Variants in RASGRF1 observed in about 807,000 individuals in gnomAD.
RASGRF1 encodes ras-specific guanine nucleotide-releasing factor 1.
RASGRF1 carries 40 observed loss-of-function variants against 138.7 expected under a neutral mutation model. The observed-to-expected ratio is 0.29, with a 90% CI of 0.22 to 0.38. The LOEUF (loss-of-function observed/expected upper bound fraction) is 0.38. Ranked by LOEUF, RASGRF1 falls within the 10% of genes least tolerant of loss-of-function variation. The probability of loss-of-function intolerance (pLI) is 1.00; values close to 1 mark genes in which losing one functional copy is unlikely to be tolerated. For synonymous variants in RASGRF1, 614 were observed against 663.2 expected (o/e 0.93, Z 1.14); for missense variants, 1,108 against 1,650.4 (o/e 0.67, Z 5.69).
At chr15:79,022,112 T>G (rs1294435054) in intron 10 of RASGRF1, among the ~76,000 whole-genome samples, 1 of 152,158 alleles carries the variant, frequency 6.6e-6, no homozygotes, top group Non-Finnish European at 1.5e-5. Context: ...GATTTCTGAT[T>G]CCATGCTCTT....
chr15:79,070,333 A>G (rs2057738568), intron 1 of RASGRF1, among the ~76,000 whole-genome samples: 1 of 152,196 alleles, frequency 6.6e-6, no homozygotes, highest in Non-Finnish European at 1.5e-5. Context: ...GGGACAGAGC[A>G]TATAACTGGG....
intron 8 of RASGRF1, among the ~76,000 whole-genome samples, chr15:79,029,677 T>C (rs1489763679): frequency 6.6e-6 from 1 of 152,048 alleles, no homozygotes; most frequent in East Asian, 1.9e-4. Flanking sequence ...GAGCGCAGCC[T>C]AGGAGGGGTT....
intron 4 of RASGRF1, among the ~76,000 whole-genome samples, chr15:79,048,379 A>AG (rs1683961304): frequency 6.6e-6 from 1 of 152,192 alleles, no homozygotes; most frequent in African/African-American, 2.4e-5. Flanking sequence ...CCGGCAGCAT[A>AG]GCCTCTGGAG....
At chr15:79,005,069 G>C in intron 14 of RASGRF1, 2 of 985,438 alleles carry the variant, frequency 2.0e-6, no homozygotes, top group African/African-American at 1.7e-5. Flanking sequence ...GTGACTTTTA[G>C]GGGGTAAATC....
At chr15:78,985,926 G>GAAAAAAAAAAAAAAAAAAAAAAACAA (rs2056145620) in intron 22 of RASGRF1, 1 of 83,374 alleles carries the variant, frequency 1.2e-5, no homozygotes, top group Non-Finnish European at 2.1e-5. Context: ...CTCCATCTCA[G>GAAAAAAAAAAAAAAAAAAAAAAACAA]AAAAAAAAAA....
At chr15:78,990,382 TG>T in intron 21 of RASGRF1, 109 bp from the exon 22 acceptor site, 1 of 737,404 alleles carries the variant, frequency 1.4e-6, no homozygotes, top group Admixed American at 2.3e-5. Flanking sequence ...CTGTCATTTC[TG>T]GGGGAACAAC....
intron 1 of RASGRF1, among the ~76,000 whole-genome samples, chr15:79,082,725 T>C (rs935113868): frequency 6.6e-6 from 1 of 152,188 alleles, no homozygotes; most frequent in Non-Finnish European, 1.5e-5. Context: ...TCCACAGGGA[T>C]GAAGAAAGCT....
intron 15 of RASGRF1, among the ~76,000 whole-genome samples, chr15:79,002,188 A>C (rs1490374988): frequency 6.6e-6 from 1 of 151,766 alleles, no homozygotes; most frequent in East Asian, 1.9e-4. Context: ...TTTTTGGTGA[A>C]GCTTATTAGT....
At chr15:79,071,755 T>C (rs1294583248) in intron 1 of RASGRF1, among the ~76,000 whole-genome samples, 2 of 152,144 alleles carry the variant, frequency 1.3e-5, no homozygotes, top group African/African-American at 4.8e-5. Flanking sequence ...CTCCCCACTC[T>C]TCCCAGCTTC....
intron 1 of RASGRF1, among the ~76,000 whole-genome samples, chr15:79,068,615 TACAC>T (rs141408068): frequency 1.4e-4 from 21 of 149,838 alleles, no homozygotes; most frequent in Admixed American, 6.0e-4. Flanking sequence ...TGTGTATATA[TACAC>T]ACACACACAC....
intron 24 of RASGRF1, among the ~76,000 whole-genome samples, chr15:78,974,114 G>A (rs767297438): frequency 6.6e-6 from 1 of 152,150 alleles, no homozygotes; most frequent in Non-Finnish European, 1.5e-5. Context: ...CTGATTTTTG[G>A]TCCAAAGCAG....
intron 26 of RASGRF1, among the ~76,000 whole-genome samples, chr15:78,963,884 A>G (rs1442810519): frequency 6.6e-6 from 1 of 152,200 alleles, no homozygotes; most frequent in East Asian, 1.9e-4. Context: ...TTTTATACCT[A>G]GATAGTAGTG....
intron 1 of RASGRF1, among the ~76,000 whole-genome samples, chr15:79,072,422 T>C (rs572969495): frequency 5.1e-4 from 78 of 151,686 alleles, no homozygotes; most frequent in African/African-American, 1.7e-3. Flanking sequence ...ACTACAGGCG[T>C]CTGCCACCAC....
chr15:79,030,446 G>A (rs1313584827), intron 8 of RASGRF1, among the ~76,000 whole-genome samples: 1 of 152,230 alleles, frequency 6.6e-6, no homozygotes, highest in East Asian at 1.9e-4. Context: ...GGTCTCACCA[G>A]TGCTGTCGCT....
At chr15:79,048,278 G>C (rs1293226875) in intron 4 of RASGRF1, among the ~76,000 whole-genome samples, 1 of 152,178 alleles carries the variant, frequency 6.6e-6, no homozygotes, top group East Asian at 1.9e-4. Flanking sequence ...GATGTCATAA[G>C]GTGGCACCTC....
intron 26 of RASGRF1, among the ~76,000 whole-genome samples, chr15:78,968,279 T>TGTGTGTGTGTGTGTG (rs1567417630): frequency 1.1e-4 from 17 of 151,060 alleles, no homozygotes; most frequent in South Asian, 8.4e-4. Context: ...TGTGTGTGTG[T>TGTGTGTGTGTGTGTG]TTTATTTTTA....
intron 2 of RASGRF1, among the ~76,000 whole-genome samples, chr15:79,061,398 G>C (rs1025635856): frequency 9.3e-5 from 6 of 64,746 alleles, no homozygotes; most frequent in Non-Finnish European, 1.5e-4. Context: ...TAGAAAATTA[G>C]AACACTATCT....
At chr15:78,993,766 G>A (rs1003115182) in intron 20 of RASGRF1, among the ~76,000 whole-genome samples, 5 of 152,138 alleles carry the variant, frequency 3.3e-5, no homozygotes, top group Admixed American at 1.3e-4. Context: ...AGGCCCAGGC[G>A]CTGTGGGGCC....
In RASGRF1 at chr15:79,046,237, T is replaced by A. The variant is rs1034004829; in HGVS notation, c.878+509A>T. On this transcript the variant is annotated intron_variant, in intron 5 of 26. Coordinates refer to ENST00000558480, the MANE Select transcript of RASGRF1 (RefSeq NM_001145648.3). The surrounding 1 kb of genome is among the most constrained non-coding windows in gnomAD (Gnocchi z 5.3). ...CCTGGCCTCCAGGTCATTATGATGG[T>A]ATCAAGGTCAAAGAATAAGGTACTT... is the stretch of plus-strand genomic sequence containing the variant. 6.6e-6 allele frequency among the ~76,000 whole-genome samples: 1 copy of A among 152,244 alleles called. No homozygotes were observed. Among genetic ancestry groups the A allele is most frequent in the Non-Finnish European group, 1.5e-5 (1 of 68,042 alleles).
Sources: allele counts gnomAD v4.1 joint callset (sites outside exome capture counted in the v4.1 genomes callset), GRCh38; gene constraint gnomAD v4.1.1; non-coding constraint Gnocchi (gnomAD v3.1); transcripts MANE v1.5; gene names NCBI Gene and HGNC (gene_info 2026-07-23, HGNC 2026-07-21).